Variants in CLEC16A observed in about 807,000 individuals in gnomAD.
The protein encoded by CLEC16A is protein CLEC16A.
A neutral mutation model predicts 109.5 loss-of-function variants in CLEC16A; 51 were observed. The ratio of observed to expected loss-of-function variants is 0.47; its 90% CI spans 0.37 to 0.59. The LOEUF is 0.59. Among genes scored for constraint, CLEC16A ranks in the 20% least tolerant of loss-of-function variants. The pLI, the probability that CLEC16A is intolerant of heterozygous loss-of-function variation, is 0.00. For missense variants in CLEC16A, 1,339 were observed against 1,394.0 expected, an observed-to-expected ratio of 0.96 and a Z score of 0.63; for synonymous variants, 673 against 564.2, an observed-to-expected ratio of 1.19 and a Z score of -2.73.
rs180912585 is a variant in CLEC16A, at chr16:10,968,631, G to A, written c.344-530G>A. On this transcript the variant is annotated intron_variant, in intron 3 of 23. Transcript: ENST00000409790. ...AAATGGGAAGAATGAGCAGGATCAT[G>A]TGATGGTTAATGGTCATGTAAAGCA... Among the ~76,000 whole-genome samples, 126 of 152,336 alleles carry A rather than the reference G, an allele frequency of 8.3e-4. 1 individual carries two copies. The highest frequency in any genetic ancestry group is 2.9e-3 in the African/African-American group (121 of 41,584).
chr16:11,169,595 C>G (rs1055487475), intron 23 of CLEC16A, among the ~76,000 whole-genome samples: 3 of 152,224 alleles, frequency 2.0e-5, no homozygotes, highest in African/African-American at 4.8e-5. Flanking sequence ...CCCTCCTTTG[C>G]ACACTTTGCA....
chr16:11,046,974 C>T (rs757301784), intron 16 of CLEC16A, among the ~76,000 whole-genome samples: 33 of 152,126 alleles, frequency 2.2e-4, no homozygotes, highest in Non-Finnish European at 1.5e-5. Flanking sequence ...ATGTTAAACA[C>T]TTGAAATATT....
At chr16:11,077,924 C>T (rs912555997) in intron 19 of CLEC16A, among the ~76,000 whole-genome samples, 4 of 150,222 alleles carry the variant, frequency 2.7e-5, no homozygotes, top group Non-Finnish European at 4.4e-5. Flanking sequence ...TTATGACTAG[C>T]CTGGCCAACA....
chr16:11,064,526 C>T (rs535508250), intron 19 of CLEC16A, among the ~76,000 whole-genome samples: 1 of 152,338 alleles, frequency 6.6e-6, no homozygotes, highest in Non-Finnish European at 1.5e-5. Context: ...CCTGTAATCT[C>T]AGCACTTTGG....
intron 10 of CLEC16A, among the ~76,000 whole-genome samples, chr16:11,002,326 T>TG (rs2044715183): frequency 6.6e-6 from 1 of 152,130 alleles, no homozygotes. Flanking sequence ...AGCTAATATT[T>TG]GGGGAGTGTA....
intron 19 of CLEC16A, among the ~76,000 whole-genome samples, chr16:11,069,837 A>G (rs991462621): frequency 1.3e-5 from 2 of 152,238 alleles, no homozygotes; most frequent in African/African-American, 2.4e-5. Flanking sequence ...TTACATAGCC[A>G]TCTCATTGTA....
At chr16:10,971,933 T>C (rs1216219209) in intron 5 of CLEC16A, among the ~76,000 whole-genome samples, 1 of 152,160 alleles carries the variant, frequency 6.6e-6, no homozygotes, top group African/African-American at 2.4e-5. Flanking sequence ...GCTTTGACTT[T>C]CATGAGCCAA....
In CLEC16A at chr16:11,174,574, A is replaced by G. The variant is rs794428; in HGVS notation, c.2807-3761A>G. 0.73 allele frequency among the ~76,000 whole-genome samples: 111,096 copies of G among 152,200 alleles called. 41,646 individuals carry two copies. The highest frequency in any genetic ancestry group is 0.9 in the African/African-American group (37,220 of 41,558). On this transcript the variant is annotated intron_variant, in intron 23 of 23. Coordinates refer to ENST00000409790, the MANE Select transcript of CLEC16A (RefSeq NM_015226.3). This position sits in a 1 kb window ranked among gnomAD's most constrained non-coding sequence, Gnocchi z 4.7. Reference sequence around the variant, plus strand: ...TGGAAACGCTGTCCTTCTCTGTGACATGTGCACCAGTGTCAGGCTCGGCCC... The same window carrying G: ...TGGAAACGCTGTCCTTCTCTGTGACGTGTGCACCAGTGTCAGGCTCGGCCC...
At chr16:11,068,458 C>T (rs750296624) in intron 19 of CLEC16A, among the ~76,000 whole-genome samples, 1 of 152,212 alleles carries the variant, frequency 6.6e-6, no homozygotes, top group Non-Finnish European at 1.5e-5. Context: ...GTCAGTTGCT[C>T]CTCTTCATGG....
At position 11,055,605 on chromosome 16, in the gene CLEC16A, T is replaced by TTTTTTTC. The variant is rs1268458004; in HGVS notation, c.1995+3965_1995+3966insTTTTTCT. 2.1e-4 allele frequency among the ~76,000 whole-genome samples: 30 copies of TTTTTTTC among 141,400 alleles called. 2 individuals carry two copies. The highest frequency in any genetic ancestry group is 8.3e-4 in the African/African-American group (30 of 36,300). 92.8% of individuals were successfully genotyped at this position (141,400 alleles called of 152,430 possible). A position where few individuals can be genotyped will look rare whatever the true frequency, so the allele number is the denominator to read the frequency against. ...TTTTTTTTTTTTTTTTTTTTTTTTT[T>TTTTTTTC]TGAGACGAGTCTCAGTCTGTCACCC... On this transcript the variant is annotated intron_variant, in intron 18 of 23. Coordinates refer to ENST00000409790, the MANE Select transcript of CLEC16A (RefSeq NM_015226.3).
At chr16:10,962,651 G>T in intron 3 of CLEC16A, 63 bp downstream of exon 3, 1 of 1,566,252 alleles carries the variant, frequency 6.4e-7, no homozygotes, top group Non-Finnish European at 8.7e-7. Flanking sequence ...GAAGTTGGGC[G>T]TGGTTTTCTG....
chr16:11,078,103 T>C (rs1006385164), intron 19 of CLEC16A, among the ~76,000 whole-genome samples: 2 of 152,052 alleles, frequency 1.3e-5, no homozygotes, highest in African/African-American at 4.8e-5. Flanking sequence ...AGTGAAAATG[T>C]GTTTGCCACA....
intron 19 of CLEC16A, among the ~76,000 whole-genome samples, chr16:11,062,460 A>C (rs1317785103): frequency 6.6e-6 from 1 of 152,164 alleles, no homozygotes; most frequent in Non-Finnish European, 1.5e-5. Flanking sequence ...CTGTAAAACG[A>C]GATGGTCTTT....
At chr16:11,139,171 G>T (rs1173598094) in intron 22 of CLEC16A, among the ~76,000 whole-genome samples, 1 of 152,122 alleles carries the variant, frequency 6.6e-6, no homozygotes. Context: ...CGGGAGTTGT[G>T]GTGACTAGAA....
chr16:11,000,166 C>T (rs534198021), intron 10 of CLEC16A, among the ~76,000 whole-genome samples: 2 of 152,234 alleles, frequency 1.3e-5, no homozygotes, highest in South Asian at 2.1e-4. Context: ...CCATGGGTTC[C>T]TTTGGTTCTA....
chr16:11,141,265 C>T (rs1168573070), intron 22 of CLEC16A, among the ~76,000 whole-genome samples: 3 of 152,276 alleles, frequency 2.0e-5, no homozygotes, highest in Admixed American at 2.0e-4. Flanking sequence ...TTGGAGCCAC[C>T]ATGGAAGTCA....
At chr16:11,117,779 T>G (rs1206981928) in intron 19 of CLEC16A, among the ~76,000 whole-genome samples, 1 of 152,156 alleles carries the variant, frequency 6.6e-6, no homozygotes, top group South Asian at 2.1e-4. Context: ...GGGAAAAAAT[T>G]GCACTCAAAT....
chr16:11,057,963 G>A lies in CLEC16A; in HGVS notation c.1996-2939G>A, dbSNP rs553713638. Among the ~76,000 whole-genome samples, 3 of 152,234 alleles carry A rather than the reference G, an allele frequency of 2.0e-5. No individual in the cohort carries two copies. In the South Asian group the frequency reaches 6.2e-4, roughly 32 times the overall value. ...CGTACAGCTGGCATAGTATGCGGCAGGCCATGGGGAATCAAGAGAGTGCTT... is the reference window on the plus strand; with the variant it reads ...CGTACAGCTGGCATAGTATGCGGCAAGCCATGGGGAATCAAGAGAGTGCTT... On this transcript the variant is annotated intron_variant, in intron 18 of 23. Transcript: ENST00000409790.
intron 19 of CLEC16A, among the ~76,000 whole-genome samples, chr16:11,096,566 TA>T (rs1463031301): frequency 6.6e-6 from 1 of 152,126 alleles, no homozygotes; most frequent in Admixed American, 6.5e-5. Context: ...AACAAGCATT[TA>T]AAAAACACTT....
Sources: allele counts gnomAD v4.1 joint callset (sites outside exome capture counted in the v4.1 genomes callset), GRCh38; gene constraint gnomAD v4.1.1; non-coding constraint Gnocchi (gnomAD v3.1); transcripts MANE v1.5; gene names NCBI Gene and HGNC (gene_info 2026-07-23, HGNC 2026-07-21).